The following CAMTA1 variants were observed in gnomAD, a reference collection of about 807,000 sequenced individuals.
The protein encoded by CAMTA1 is calmodulin-binding transcription activator 1.
Under a neutral mutation model 170.9 loss-of-function variants are expected in CAMTA1, and 27 were observed. That is an observed-to-expected ratio of 0.16 (90% CI 0.12 to 0.22). CAMTA1 has a LOEUF of 0.22. CAMTA1 is among the 10% of genes least tolerant of loss of function. The pLI is 1.00. For missense variants in CAMTA1, 1,619 were observed against 2,217.2 expected, an observed-to-expected ratio of 0.73 and a Z score of 5.42; for synonymous variants, 833 against 891.5, an observed-to-expected ratio of 0.93 and a Z score of 1.17.
At chr1:7,679,898 T>C (rs978155481) in intron 11 of CAMTA1, among the ~76,000 whole-genome samples, 1 of 152,192 alleles carries the variant, frequency 6.6e-6, no homozygotes, top group Non-Finnish European at 1.5e-5. Flanking sequence ...CCAGTTGTCC[T>C]TTCAAGGAAT....
chr1:7,680,813 G>A lies in CAMTA1; in HGVS notation c.2914+3080G>A, dbSNP rs199549634. 1.9e-4 allele frequency among the ~76,000 whole-genome samples: 28 copies of A among 147,394 alleles called. No individual in the cohort carries two copies. The highest frequency in any genetic ancestry group is 3.8e-4 in the Non-Finnish European group (25 of 66,078). ...TTTGTTTGCTTGGCTAAAGGCCGGG[G>A]GGGGGCGTGGGTCCGGGGCGCAGAG... is the stretch of plus-strand genomic sequence containing the variant. On this transcript the variant is annotated intron_variant, in intron 11 of 22. Coordinates refer to ENST00000303635, the MANE Select transcript of CAMTA1 (RefSeq NM_015215.4). The surrounding 1 kb of genome is among the most constrained non-coding windows in gnomAD (Gnocchi z 4.4).
chr1:6,922,991 C>T (rs1021193153), intron 3 of CAMTA1, among the ~76,000 whole-genome samples: 5 of 151,934 alleles, frequency 3.3e-5, no homozygotes, highest in Admixed American at 1.3e-4. Flanking sequence ...ATAAATTTCA[C>T]GAATAAGGTA....
intron 4 of CAMTA1, among the ~76,000 whole-genome samples, chr1:7,118,324 G>T (rs1482000041): frequency 1.6e-5 from 2 of 122,392 alleles, no homozygotes; most frequent in Non-Finnish European, 3.2e-5. Context: ...ACAGGGTCTT[G>T]CTCTGCCACC....
rs188159496 is a variant in CAMTA1, at chr1:6,859,233, A to G, written c.234+34023A>G. Among the ~76,000 whole-genome samples the G allele has an allele frequency of 4.5e-4, 68 of 152,324 alleles. 1 individual carries two copies. The highest frequency in any genetic ancestry group is 6.2e-4 in the Non-Finnish European group (42 of 68,034). On this transcript the variant is annotated intron_variant, in intron 3 of 22. Coordinates refer to ENST00000303635, the MANE Select transcript of CAMTA1 (RefSeq NM_015215.4). ...TATGTATATATGTTTGAGTGTACAT[A>G]CAAGAGGAATCATATACAGCTTCCC...
intron 3 of CAMTA1, among the ~76,000 whole-genome samples, chr1:6,967,310 G>A (rs1181087675): frequency 1.3e-5 from 2 of 151,040 alleles, no homozygotes; most frequent in African/African-American, 4.9e-5. Flanking sequence ...AGAAAATGGA[G>A]TTCTAGATTG....
intron 6 of CAMTA1, among the ~76,000 whole-genome samples, chr1:7,492,647 T>C (rs1262039047): frequency 1.4e-5 from 1 of 72,152 alleles, no homozygotes; most frequent in African/African-American, 6.7e-5. Flanking sequence ...ACACATACAA[T>C]CACACAAACA....
intron 4 of CAMTA1, among the ~76,000 whole-genome samples, chr1:7,222,358 G>A (rs545805006): frequency 6.6e-6 from 1 of 152,286 alleles, no homozygotes; most frequent in South Asian, 2.1e-4. Context: ...CTGCGGGGAG[G>A]CTGAGATTTG....
intron 1 of CAMTA1, among the ~76,000 whole-genome samples, chr1:6,795,657 A>G (rs1642313830): frequency 6.6e-6 from 1 of 152,188 alleles, no homozygotes; most frequent in African/African-American, 2.4e-5. Context: ...TGAGCAAGGA[A>G]TGACTTTTTC....
At chr1:6,789,424 C>G (rs758392950) in intron 1 of CAMTA1, among the ~76,000 whole-genome samples, 2 of 152,174 alleles carry the variant, frequency 1.3e-5, no homozygotes, top group Non-Finnish European at 2.9e-5. Context: ...TGAGGTAGCC[C>G]ATCTCAAAAT....
At chr1:6,875,067 G>A (rs1439301591) in intron 3 of CAMTA1, among the ~76,000 whole-genome samples, 1 of 152,070 alleles carries the variant, frequency 6.6e-6, no homozygotes, top group Non-Finnish European at 1.5e-5. Context: ...ACCCCATTTT[G>A]CACATGAGAA....
At chr1:7,161,871 A>G (rs975033157) in intron 4 of CAMTA1, among the ~76,000 whole-genome samples, 1 of 152,196 alleles carries the variant, frequency 6.6e-6, no homozygotes, top group East Asian at 1.9e-4. Context: ...GGGGCAAGCA[A>G]TGAATCTGAT....
At chr1:7,535,309 G>A (rs2094536690) in intron 6 of CAMTA1, among the ~76,000 whole-genome samples, 1 of 152,114 alleles carries the variant, frequency 6.6e-6, no homozygotes, top group South Asian at 2.1e-4. Flanking sequence ...TCTTCCTTGG[G>A]CTGGGGAAGC....
rs115298951 is a variant in CAMTA1 at position 7,180,738 on chromosome 1, C to T, written c.303-68753C>T. Among the ~76,000 whole-genome samples, 1,220 of 152,002 alleles carry T rather than the reference C, an allele frequency of 8.0e-3. 22 individuals are homozygous for T. Among genetic ancestry groups the T allele is most frequent in the African/African-American group, 0.027 (1,133 of 41,466 alleles). ...TGTTGCCCAGGCTGGTCTTGAGCACCGGGGCTCAAACGGTCCATCTGTCTT... is the reference window on the plus strand; with the variant it reads ...TGTTGCCCAGGCTGGTCTTGAGCACTGGGGCTCAAACGGTCCATCTGTCTT... On this transcript the variant is annotated intron_variant, in intron 4 of 22. Coordinates refer to ENST00000303635, the MANE Select transcript of CAMTA1 (RefSeq NM_015215.4).
At chr1:6,953,704 A>G (rs1688923054) in intron 3 of CAMTA1, among the ~76,000 whole-genome samples, 2 of 152,156 alleles carry the variant, frequency 1.3e-5, no homozygotes, top group Admixed American at 6.5e-5. Context: ...TATGAAAGTC[A>G]CTGCACTTTA....
chr1:7,613,802 G>A (rs1390956854), intron 6 of CAMTA1, among the ~76,000 whole-genome samples: 1 of 149,894 alleles, frequency 6.7e-6, no homozygotes, highest in Non-Finnish European at 1.5e-5. Context: ...AGAGCGATGG[G>A]TATTGGGGCA....
chr1:7,581,712 C>T (rs1042166647), intron 6 of CAMTA1, among the ~76,000 whole-genome samples: 3 of 152,210 alleles, frequency 2.0e-5, no homozygotes, highest in Non-Finnish European at 4.4e-5. Flanking sequence ...CTCACCGGAG[C>T]TTTTGCGGTT....
chr1:7,426,159 C>T lies in CAMTA1; in HGVS notation c.439-41671C>T, dbSNP rs2091865524. ...AAACACTTCTGAGCAGATTACCTTT[C>T]CAGCCTGACTTTAACAGTTTAAAAA... On this transcript the variant is annotated intron_variant, in intron 5 of 22. Coordinates refer to ENST00000303635, the MANE Select transcript of CAMTA1 (RefSeq NM_015215.4). The surrounding 1 kb of genome is among the most constrained non-coding windows in gnomAD (Gnocchi z 4.8). Among the ~76,000 whole-genome samples, 1 of 149,840 alleles carries T rather than the reference C, an allele frequency of 6.7e-6. No individual in the cohort carries two copies. The highest frequency in any genetic ancestry group is 1.5e-5 in the Non-Finnish European group (1 of 68,028).
chr1:7,551,232 C>A (rs751918202), intron 6 of CAMTA1, among the ~76,000 whole-genome samples: 1 of 152,184 alleles, frequency 6.6e-6, no homozygotes, highest in Non-Finnish European at 1.5e-5. Context: ...CTTATCACAT[C>A]CTGTGCCCAG....
chr1:7,701,451 T>A (rs1338612195), intron 11 of CAMTA1, among the ~76,000 whole-genome samples: 1 of 152,192 alleles, frequency 6.6e-6, no homozygotes, highest in African/African-American at 2.4e-5. Context: ...GGTCTTGCTC[T>A]GTTGCCCAGG....
Sources: allele counts gnomAD v4.1 joint callset (sites outside exome capture counted in the v4.1 genomes callset), GRCh38; gene constraint gnomAD v4.1.1; non-coding constraint Gnocchi (gnomAD v3.1); transcripts MANE v1.5; gene names NCBI Gene and HGNC (gene_info 2026-07-23, HGNC 2026-07-21).